BNC2: variants seen among roughly 807,000 people sequenced by gnomAD.
The protein encoded by BNC2 is zinc finger protein basonuclin-2.
A neutral mutation model predicts 76.3 loss-of-function variants in BNC2; 20 were observed. That is an observed-to-expected ratio of 0.26 (90% CI 0.18 to 0.38). The LOEUF is 0.38. BNC2 is among the 10% of genes least tolerant of loss of function. The pLI is 1.00. For synonymous variants in BNC2, 582 were observed against 514.8 expected (o/e 1.13, Z -1.77); for missense variants, 1,382 against 1,399.8 (o/e 0.99, Z 0.20).
chr9:16,695,930 T>G (rs1264084641), intron 3 of BNC2, among the ~76,000 whole-genome samples: 1 of 152,202 alleles, frequency 6.6e-6, no homozygotes, highest in East Asian at 1.9e-4. Context: ...TATTTTTCAA[T>G]GTTATTACCA....
intron 5 of BNC2, among the ~76,000 whole-genome samples, chr9:16,512,671 T>C (rs768741244): frequency 5.3e-5 from 8 of 152,204 alleles, no homozygotes; most frequent in Admixed American, 3.3e-4. Context: ...CTATAAAACT[T>C]TGATGTTTTA....
At chr9:16,420,403 G>A (rs1820685500) in intron 6 of BNC2, among the ~76,000 whole-genome samples, 4 of 151,856 alleles carry the variant, frequency 2.6e-5, no homozygotes, top group Non-Finnish European at 4.4e-5. Context: ...TATTTTCATC[G>A]AGTAGTTCTA....
chr9:16,590,582 A>G (rs917880432), intron 3 of BNC2, among the ~76,000 whole-genome samples: 3 of 152,060 alleles, frequency 2.0e-5, no homozygotes, highest in Non-Finnish European at 2.9e-5. Flanking sequence ...TGGGAGGCCG[A>G]GGAGAGCACA....
At chr9:16,647,843 G>T (rs1300613504) in intron 3 of BNC2, among the ~76,000 whole-genome samples, 1 of 152,068 alleles carries the variant, frequency 6.6e-6, no homozygotes, top group Non-Finnish European at 1.5e-5. Flanking sequence ...TGCTATTCCA[G>T]TTCACTTGTG....
chr9:16,805,636 A>G (rs1353923910), intron 1 of BNC2, among the ~76,000 whole-genome samples: 1 of 152,100 alleles, frequency 6.6e-6, no homozygotes, highest in Non-Finnish European at 1.5e-5. Flanking sequence ...CAGGAAATTC[A>G]TTTTAAACTA....
At chr9:16,665,346 G>T (rs1822240046) in intron 3 of BNC2, among the ~76,000 whole-genome samples, 1 of 140,410 alleles carries the variant, frequency 7.1e-6, no homozygotes, top group Non-Finnish European at 1.5e-5. Flanking sequence ...CTCCAGCCTG[G>T]GCAATAAGAG....
intron 6 of BNC2, among the ~76,000 whole-genome samples, chr9:16,423,986 C>T (rs1470711374): frequency 6.6e-6 from 1 of 152,162 alleles, no homozygotes; most frequent in Non-Finnish European, 1.5e-5. Flanking sequence ...AGTGGAAGTA[C>T]TCTAACTGGA....
At chr9:16,698,270 A>G (rs898133381) in intron 3 of BNC2, among the ~76,000 whole-genome samples, 12 of 152,176 alleles carry the variant, frequency 7.9e-5, no homozygotes, top group South Asian at 2.1e-4. Flanking sequence ...CCTTTAGGAA[A>G]TAAGCATACA....
Position 16,809,330 on chromosome 9 carries a change from T to C in BNC2, c.3+61316A>G, listed in dbSNP as rs772364140. Among the ~76,000 whole-genome samples, 9 of 152,142 alleles carry C rather than the reference T, an allele frequency of 5.9e-5. No individual in the cohort carries two copies. The East Asian group carries it at 1.2e-3, about 20-fold the overall frequency. On this transcript the variant is annotated intron_variant, in intron 1 of 6. Coordinates refer to ENST00000380672, the MANE Select transcript of BNC2 (RefSeq NM_017637.6). Reference sequence around the variant, plus strand: ...TCAACACATTAGGGCTAGGAGAGATTTGAAAACATCAGAAAGCTCAATTTT... The same window carrying C: ...TCAACACATTAGGGCTAGGAGAGATCTGAAAACATCAGAAAGCTCAATTTT...
intron 1 of BNC2, among the ~76,000 whole-genome samples, chr9:16,869,267 G>A (rs933439941): frequency 1.3e-5 from 2 of 152,094 alleles, no homozygotes; most frequent in African/African-American, 2.4e-5. Context: ...TGGGTACACA[G>A]GATTATTTTA....
intron 1 of BNC2, among the ~76,000 whole-genome samples, chr9:16,870,366 G>T (rs1586949892): frequency 6.6e-6 from 1 of 151,994 alleles, no homozygotes; most frequent in South Asian, 2.1e-4. Flanking sequence ...AGCCGCGAGC[G>T]GGGCCGACCT....
At chr9:16,673,486 T>C (rs966412276) in intron 3 of BNC2, among the ~76,000 whole-genome samples, 2 of 150,794 alleles carry the variant, frequency 1.3e-5, no homozygotes, top group African/African-American at 4.9e-5. Flanking sequence ...GGTGGAGGCA[T>C]TCTTGCTAAT....
intron 5 of BNC2, among the ~76,000 whole-genome samples, chr9:16,544,612 G>C (rs1818415764): frequency 2.6e-5 from 4 of 152,028 alleles, no homozygotes; most frequent in African/African-American, 9.7e-5. Flanking sequence ...GAGGTCAGGA[G>C]TTTGAGACCA....
intron 1 of BNC2, among the ~76,000 whole-genome samples, chr9:16,849,549 G>C (rs1017045510): frequency 6.6e-6 from 1 of 151,648 alleles, no homozygotes. Context: ...AGTAGAGATG[G>C]GGTTTCACCA....
chr9:16,428,285 A>C (rs1173087878), intron 6 of BNC2, among the ~76,000 whole-genome samples: 2 of 152,206 alleles, frequency 1.3e-5, no homozygotes, highest in Non-Finnish European at 1.5e-5. Context: ...GTGACAGAGC[A>C]GACTAAAAAG....
intron 3 of BNC2, among the ~76,000 whole-genome samples, chr9:16,712,614 C>T (rs1294526490): frequency 6.6e-6 from 1 of 152,182 alleles, no homozygotes; most frequent in African/African-American, 2.4e-5. Context: ...AACAACACAA[C>T]GGACACACAC....
At chr9:16,665,764 G>A (rs1428068216) in intron 3 of BNC2, among the ~76,000 whole-genome samples, 2 of 152,104 alleles carry the variant, frequency 1.3e-5, no homozygotes, top group Non-Finnish European at 2.9e-5. Context: ...TCTGGAGTTA[G>A]TATCATTACA....
At chr9:16,445,216 A>G (rs1821207035) in intron 5 of BNC2, among the ~76,000 whole-genome samples, 1 of 152,250 alleles carries the variant, frequency 6.6e-6, no homozygotes, top group Non-Finnish European at 1.5e-5. Flanking sequence ...TATTTGTTTT[A>G]GCAGATTTAC....
intron 3 of BNC2, among the ~76,000 whole-genome samples, chr9:16,634,222 C>T (rs1165835896): frequency 2.0e-5 from 3 of 152,178 alleles, no homozygotes; most frequent in Admixed American, 2.0e-4. Context: ...TTTCTCTTTG[C>T]AAATGTCAAT....
Sources: gnomAD v4.1 joint callset for allele counts (sites outside exome capture counted in the v4.1 genomes callset) on GRCh38, gnomAD v4.1.1 for gene constraint, MANE v1.5 for transcripts, NCBI Gene and HGNC (gene_info 2026-07-23, HGNC 2026-07-21) for gene names.